Variants in SAMMSON observed in about 807,000 individuals in gnomAD.
SAMMSON encodes the protein long intergenic non-protein coding RNA 1212.
chr3:70,018,108 G>T (rs924616705), intron 3 of SAMMSON, among the ~76,000 whole-genome samples: 69 of 152,222 alleles, frequency 4.5e-4, no homozygotes, highest in Admixed American at 9.2e-4. Context: ...TAAAATGAGT[G>T]AGGGAGGATT....
exon 9 of SAMMSON, chr3:70,358,267 C>T (rs1702844537): frequency 6.6e-6 from 1 of 152,130 alleles, no homozygotes; most frequent in African/African-American, 2.4e-5. Flanking sequence ...GGGAACATGA[C>T]CTAATGGTGT....
chr3:70,338,310 A>G (rs1257668517), intron 7 of SAMMSON, among the ~76,000 whole-genome samples: 1 of 152,020 alleles, frequency 6.6e-6, no homozygotes, highest in Non-Finnish European at 1.5e-5. Context: ...TCAAAAGCAA[A>G]CAGGAGGATA....
At chr3:70,135,431 T>A (rs966675576) in intron 4 of SAMMSON, among the ~76,000 whole-genome samples, 1 of 152,162 alleles carries the variant, frequency 6.6e-6, no homozygotes, top group African/African-American at 2.4e-5. Flanking sequence ...TAATTTACCC[T>A]TTTTGGGTTT....
chr3:70,411,236 A>C (rs1461682105), intron 2 of SAMMSON, among the ~76,000 whole-genome samples: 1 of 152,196 alleles, frequency 6.6e-6, no homozygotes, highest in Non-Finnish European at 1.5e-5. Context: ...TTTCAAATGA[A>C]GTTTTTATAT....
At chr3:70,030,733 G>A (rs372779558) in intron 3 of SAMMSON, 6 of 152,132 alleles carry the variant, frequency 3.9e-5, no homozygotes, top group African/African-American at 1.2e-4. Flanking sequence ...GGCAAAGGAC[G>A]TGAATAGACA....
intron 4 of SAMMSON, among the ~76,000 whole-genome samples, chr3:70,123,995 G>C (rs73105988): frequency 0.071 from 10,835 of 152,296 alleles, 530 homozygotes; most frequent in Non-Finnish European, 0.11. Flanking sequence ...CCTCTGAACA[G>C]ATTGGGCGGA....
chr3:70,125,724 G>A, intron 4 of SAMMSON: 2 of 679,244 alleles, frequency 2.9e-6, no homozygotes, highest in East Asian at 5.4e-5. Flanking sequence ...GATGTAAACT[G>A]TTTTGTGAAG....
chr3:70,376,353 G>A (rs1380838695), intron 9 of SAMMSON, among the ~76,000 whole-genome samples: 1 of 152,138 alleles, frequency 6.6e-6, no homozygotes, highest in Non-Finnish European at 1.5e-5. Flanking sequence ...TGATATGCTG[G>A]AATGAAGTTA....
At chr3:70,030,980 A>C (rs1455687033) in intron 3 of SAMMSON, among the ~76,000 whole-genome samples, 1 of 152,210 alleles carries the variant, frequency 6.6e-6, no homozygotes, top group Non-Finnish European at 1.5e-5. Flanking sequence ...TGTGAAAAAC[A>C]GTTCAGCAAT....
At chr3:70,128,732 TGA>T (rs768547041) in intron 4 of SAMMSON, among the ~76,000 whole-genome samples, 44 of 152,330 alleles carry the variant, frequency 2.9e-4, no homozygotes, top group Middle Eastern at 3.4e-3. Context: ...GACATGAACC[TGA>T]GAGGTCCAGA....
At chr3:70,230,137 G>T (rs1286534733) in intron 4 of SAMMSON, among the ~76,000 whole-genome samples, 1 of 152,104 alleles carries the variant, frequency 6.6e-6, no homozygotes, top group Non-Finnish European at 1.5e-5. Flanking sequence ...AAATGGTCAG[G>T]CCGAAATTGA....
At position 70,428,090 on chromosome 3, in the gene SAMMSON, A is replaced by T. The variant is rs77815815; in HGVS notation, n.234-34470A>T. On this transcript the variant is annotated intron_variant and non_coding_transcript_variant, in intron 2 of 3. Transcript: ENST00000641053. ...GAAAACTATAAAATACTGCGGAAAG[A>T]AATTAAAGAAAATTTAAAGGAATGA... Among the ~76,000 whole-genome samples, 31 of 152,272 alleles carry T rather than the reference A, an allele frequency of 2.0e-4. No individual in the cohort carries two copies. In the East Asian group the frequency reaches 5.8e-3, roughly 28 times the overall value.
At chr3:70,168,942 T>C (rs1269867605) in intron 4 of SAMMSON, among the ~76,000 whole-genome samples, 5 of 151,970 alleles carry the variant, frequency 3.3e-5, no homozygotes, top group African/African-American at 1.2e-4. Flanking sequence ...TTCCACCCAA[T>C]TCAATAGCTG....
chr3:70,344,612 A>T (rs1044243776), intron 7 of SAMMSON, among the ~76,000 whole-genome samples: 5 of 152,170 alleles, frequency 3.3e-5, no homozygotes, highest in African/African-American at 4.8e-5. Context: ...AAAAGAATGC[A>T]CTCTAACACG....
chr3:70,156,584 C>T (rs963122529), intron 4 of SAMMSON, among the ~76,000 whole-genome samples: 10 of 151,848 alleles, frequency 6.6e-5, no homozygotes, highest in African/African-American at 2.2e-4. Context: ...GGATGTAGGT[C>T]GTTATCTGTT....
intron 7 of SAMMSON, among the ~76,000 whole-genome samples, chr3:70,311,587 G>A (rs1702453542): frequency 6.6e-6 from 1 of 152,094 alleles, no homozygotes; most frequent in African/African-American, 2.4e-5. Context: ...AAAATCTACA[G>A]CACTGCAAAG....
chr3:70,336,804 A>T (rs1454899738), intron 7 of SAMMSON, among the ~76,000 whole-genome samples: 1 of 140,770 alleles, frequency 7.1e-6, no homozygotes, highest in Non-Finnish European at 1.5e-5. Context: ...AGTTAAACAT[A>T]ATAGAAAGTT....
intron 9 of SAMMSON, among the ~76,000 whole-genome samples, chr3:70,369,892 T>C (rs1289348283): frequency 6.6e-6 from 1 of 151,878 alleles, no homozygotes; most frequent in Non-Finnish European, 1.5e-5. Context: ...AATACTCTGC[T>C]GTTGAACATT....
chr3:70,022,116 G>A lies in SAMMSON; in HGVS notation n.417+8444G>A, dbSNP rs533706761. ...TGTTTTTTACCAATTTAAAGATTTTGTTCCTCCAATAATCTGTTGTCCTTG... is the reference window on the plus strand; with the variant it reads ...TGTTTTTTACCAATTTAAAGATTTTATTCCTCCAATAATCTGTTGTCCTTG... On this transcript the variant is annotated intron_variant and non_coding_transcript_variant, in intron 3 of 9. Transcript: ENST00000642114. Among the ~76,000 whole-genome samples the A allele has an allele frequency of 2.0e-5, 3 of 152,092 alleles. No individual in the cohort carries two copies. In the East Asian group the frequency reaches 5.8e-4, roughly 29 times the overall value.
Sources: allele counts gnomAD v4.1 joint callset (sites outside exome capture counted in the v4.1 genomes callset), GRCh38; gene constraint gnomAD v4.1.1; transcripts MANE v1.5; gene names NCBI Gene and HGNC (gene_info 2026-07-23, HGNC 2026-07-21).